MAGI2: variants seen among roughly 807,000 people sequenced by gnomAD.
MAGI2 encodes the protein membrane-associated guanylate kinase, WW and PDZ domain-containing protein 2.
Under a neutral mutation model 133.3 loss-of-function variants are expected in MAGI2, and 35 were observed. The observed-to-expected ratio is 0.26, with a 90% CI of 0.20 to 0.35. The LOEUF is 0.35. MAGI2 is among the 10% of genes least tolerant of loss of function. The probability of loss-of-function intolerance (pLI) is 1.00; values close to 1 mark genes in which losing one functional copy is unlikely to be tolerated. For synonymous variants in MAGI2, 729 were observed against 710.6 expected (o/e 1.03, Z -0.41); for missense variants, 1,636 against 1,863.4 (o/e 0.88, Z 2.25).
intron 1 of MAGI2, among the ~76,000 whole-genome samples, chr7:79,252,493 G>A (rs1833385009): frequency 6.6e-6 from 1 of 152,072 alleles, no homozygotes; most frequent in African/African-American, 2.4e-5. Context: ...TGGTTAATGG[G>A]TACAAAAATA....
At chr7:78,776,882 G>A (rs1583846070) in intron 2 of MAGI2, among the ~76,000 whole-genome samples, 1 of 152,132 alleles carries the variant, frequency 6.6e-6, no homozygotes. Flanking sequence ...ACTCTTGATG[G>A]TTTTGTGAGC....
At chr7:78,185,576 A>C (rs950639149) in intron 13 of MAGI2, 53 bp downstream of exon 13, 2 of 1,397,940 alleles carry the variant, frequency 1.4e-6, no homozygotes, top group Non-Finnish European at 2.0e-6. Flanking sequence ...GATTTGTTAC[A>C]CAAAATGGAA....
intron 11 of MAGI2, among the ~76,000 whole-genome samples, chr7:78,196,976 ACT>A (rs1261689040): frequency 8.5e-5 from 13 of 152,312 alleles, no homozygotes; most frequent in African/African-American, 3.1e-4. Context: ...CCACCCTGTA[ACT>A]CTAACAGAAG....
rs956488665 is a variant in MAGI2 at position 78,336,641 on chromosome 7, C to T, written c.1408+7137G>A. ...TTGGGAGGCTGAGGTGGGAGGATGG[C>T]TGGAGCCTAGGAGCTGGAGGCTACA... On this transcript the variant is annotated intron_variant, in intron 9 of 21. Transcript: ENST00000354212. Among the ~76,000 whole-genome samples, 3 of 152,180 alleles carry T rather than the reference C, an allele frequency of 2.0e-5. No homozygotes were observed. In the South Asian group the frequency reaches 6.2e-4, roughly 32 times the overall value.
rs1036287446 is a variant in MAGI2 at position 78,282,414 on chromosome 7, G to A, written c.1409-25833C>T. 5.3e-5 allele frequency among the ~76,000 whole-genome samples: 8 copies of A among 152,148 alleles called. No homozygotes were observed. The South Asian group carries it at 1.7e-3, about 32-fold the overall frequency. ...TATTTTTGCAAATAAAGTTTTATTGGGACAGCCAACGTCATGTTTTTACAT... is the reference window on the plus strand; with the variant it reads ...TATTTTTGCAAATAAAGTTTTATTGAGACAGCCAACGTCATGTTTTTACAT... On this transcript the variant is annotated intron_variant, in intron 9 of 21. Coordinates refer to ENST00000354212, the MANE Select transcript of MAGI2 (RefSeq NM_012301.4).
At chr7:78,953,035 G>T (rs563700955) in intron 2 of MAGI2, among the ~76,000 whole-genome samples, 9 of 152,278 alleles carry the variant, frequency 5.9e-5, no homozygotes, top group African/African-American at 2.2e-4. Flanking sequence ...CCATCTGTGA[G>T]CCTGGATGCT....
At chr7:78,083,742 CT>C (rs1291905977) in intron 20 of MAGI2, among the ~76,000 whole-genome samples, 2 of 152,184 alleles carry the variant, frequency 1.3e-5, no homozygotes, top group Non-Finnish European at 2.9e-5. Flanking sequence ...GCGGATTTTT[CT>C]TTAACAAAAC....
chr7:79,133,135 A>C (rs1404371570), intron 1 of MAGI2, among the ~76,000 whole-genome samples: 1 of 152,042 alleles, frequency 6.6e-6, no homozygotes, highest in Non-Finnish European at 1.5e-5. Flanking sequence ...TTTTCTGTAC[A>C]AAAGCTTTGT....
intron 4 of MAGI2, among the ~76,000 whole-genome samples, chr7:78,506,654 G>A (rs1189277781): frequency 1.3e-5 from 2 of 152,222 alleles, no homozygotes; most frequent in Non-Finnish European, 2.9e-5. Flanking sequence ...TGTGGCCAAA[G>A]CTTCTGCACA....
chr7:78,278,201 A>G (rs1479016752), intron 9 of MAGI2, among the ~76,000 whole-genome samples: 1 of 152,136 alleles, frequency 6.6e-6, no homozygotes, highest in African/African-American at 2.4e-5. Context: ...CCAAACGTGC[A>G]TTCTAAGGTT....
chr7:78,932,961 C>T (rs552395161), intron 2 of MAGI2, among the ~76,000 whole-genome samples: 5 of 152,062 alleles, frequency 3.3e-5, no homozygotes, highest in Admixed American at 2.6e-4. Context: ...TATGCTAATG[C>T]GGCAGCCACG....
chr7:78,047,519 A>AG (rs1011786928), intron 21 of MAGI2, among the ~76,000 whole-genome samples: 5 of 152,136 alleles, frequency 3.3e-5, no homozygotes, highest in African/African-American at 1.2e-4. Flanking sequence ...GTAACTCAGG[A>AG]GCCAAGCCTC....
intron 1 of MAGI2, among the ~76,000 whole-genome samples, chr7:79,221,312 C>T (rs939033182): frequency 2.0e-5 from 3 of 152,022 alleles, no homozygotes; most frequent in Non-Finnish European, 4.4e-5. Flanking sequence ...CAACCACATC[C>T]AGGAAGAGCT....
intron 20 of MAGI2, among the ~76,000 whole-genome samples, chr7:78,123,462 T>C (rs1458229518): frequency 6.6e-6 from 1 of 152,130 alleles, no homozygotes; most frequent in Non-Finnish European, 1.5e-5. Flanking sequence ...AGAACAATTA[T>C]AACAAAATGC....
chr7:78,455,472 C>G (rs987931972), intron 6 of MAGI2, among the ~76,000 whole-genome samples: 4 of 152,142 alleles, frequency 2.6e-5, no homozygotes. Context: ...ATAAGACCAT[C>G]TTACTTCAGA....
intron 1 of MAGI2, among the ~76,000 whole-genome samples, chr7:79,309,860 G>C (rs1174066068): frequency 1.3e-5 from 2 of 151,180 alleles, no homozygotes; most frequent in Non-Finnish European, 2.9e-5. Flanking sequence ...GTCAGGCGCA[G>C]TGGCTCACAC....
chr7:78,667,575 G>A (rs538777258), intron 2 of MAGI2, among the ~76,000 whole-genome samples: 1,991 of 127,244 alleles, frequency 0.016, 58 homozygotes, highest in African/African-American at 0.056. Flanking sequence ...AGAGTGTGAT[G>A]TTCCCCTTCC....
At chr7:78,530,744 T>A (rs903863409) in intron 3 of MAGI2, among the ~76,000 whole-genome samples, 5 of 152,176 alleles carry the variant, frequency 3.3e-5, no homozygotes, top group African/African-American at 4.8e-5. Flanking sequence ...TTTCTTTTTT[T>A]TTTGGACATA....
At chr7:79,433,422 A>G (rs541292538) in intron 1 of MAGI2, among the ~76,000 whole-genome samples, 66 of 152,048 alleles carry the variant, frequency 4.3e-4, no homozygotes, top group Non-Finnish European at 7.5e-4. Flanking sequence ...GCGTGGTGGC[A>G]GGCGCCTGTA....
Sources: allele counts gnomAD v4.1 joint callset (sites outside exome capture counted in the v4.1 genomes callset), GRCh38; gene constraint gnomAD v4.1.1; transcripts MANE v1.5; gene names NCBI Gene and HGNC (gene_info 2026-07-23, HGNC 2026-07-21).